The following RBFOX1 variants were observed in gnomAD, a reference collection of about 807,000 sequenced individuals.
The protein encoded by RBFOX1 is RNA binding fox-1 homolog 1.
A neutral mutation model predicts 57.7 loss-of-function variants in RBFOX1; 8 were observed. The observed-to-expected ratio is 0.14, with a 90% confidence interval of 0.08 to 0.25. The LOEUF (loss-of-function observed/expected upper bound fraction) is 0.25. RBFOX1 is among the 10% of genes least tolerant of loss of function. RBFOX1 has a pLI of 1.00. For missense variants in RBFOX1, 611 were observed against 548.5 expected, an observed-to-expected ratio of 1.11 and a Z score of -1.14; for synonymous variants, 326 against 222.4, an observed-to-expected ratio of 1.47 and a Z score of -4.15.
At chr16:6,538,448 C>G (rs762132613) in intron 2 of RBFOX1, among the ~76,000 whole-genome samples, 8 of 152,030 alleles carry the variant, frequency 5.3e-5, no homozygotes, top group Admixed American at 1.3e-4. Flanking sequence ...GTGGTGATTG[C>G]GCTACTGCAC....
At chr16:5,932,196 C>A (rs1486600075) in intron 4 of RBFOX1, among the ~76,000 whole-genome samples, 1 of 152,118 alleles carries the variant, frequency 6.6e-6, no homozygotes, top group African/African-American at 2.4e-5. Flanking sequence ...GAATTTTCTG[C>A]TGTTGGTCAA....
At chr16:6,321,436 A>G (rs2081777916) in intron 2 of RBFOX1, among the ~76,000 whole-genome samples, 1 of 152,126 alleles carries the variant, frequency 6.6e-6, no homozygotes, top group Non-Finnish European at 1.5e-5. Context: ...TCAAGCCCCA[A>G]AGTGTCCTCT....
At chr16:7,422,824 T>G (rs2098555230) in intron 4 of RBFOX1, 1 of 152,166 alleles carries the variant, frequency 6.6e-6, no homozygotes, top group Admixed American at 6.6e-5. Flanking sequence ...GATTATTAAT[T>G]TCCCATCCCC....
chr16:6,259,962 A>G (rs2097691974), intron 1 of RBFOX1, among the ~76,000 whole-genome samples: 1 of 151,724 alleles, frequency 6.6e-6, no homozygotes. Context: ...CTGTCTCAAA[A>G]AAAAAAAAAA....
chr16:7,321,066 T>A, intron 4 of RBFOX1, among the ~76,000 whole-genome samples: 1 of 103,914 alleles, frequency 9.6e-6, no homozygotes. Flanking sequence ...TATCTATCTG[T>A]CTATCTATAC....
intron 2 of RBFOX1, among the ~76,000 whole-genome samples, chr16:5,474,406 C>T (rs1203458043): frequency 1.3e-5 from 2 of 152,206 alleles, no homozygotes; most frequent in Admixed American, 6.5e-5. Context: ...GTGATCCCAG[C>T]ACTTTGGGAG....
At position 6,595,419 on chromosome 16, in the gene RBFOX1, C is replaced by T. The variant is rs373949035; in HGVS notation, c.-63-59184C>T. On this transcript the variant is annotated intron_variant, in intron 2 of 15. Coordinates refer to ENST00000550418, the MANE Select transcript of RBFOX1 (RefSeq NM_018723.4). The stretch of plus-strand genomic sequence containing the variant: ...CACGTTTTGTAGCCAAATAATATTA[C>T]GTTATATAAATATACGACGTTGTGT... Among the ~76,000 whole-genome samples, 7 of 152,256 alleles carry T rather than the reference C, an allele frequency of 4.6e-5. No individual in the cohort carries two copies. The East Asian group carries it at 5.8e-4, about 13-fold the overall frequency.
chr16:7,709,211 C>T (rs895641113), intron 15 of RBFOX1, 80 bp downstream of exon 15: 31 of 1,299,112 alleles, frequency 2.4e-5, no homozygotes, highest in African/African-American at 1.0e-4. Context: ...TACGGGTTGA[C>T]GTCCTCTCAC....
chr16:7,226,241 T>G (rs2093110487), intron 4 of RBFOX1, among the ~76,000 whole-genome samples: 1 of 152,214 alleles, frequency 6.6e-6, no homozygotes, highest in African/African-American at 2.4e-5. Flanking sequence ...ATGGATATTC[T>G]GATCAGGCAG....
At chr16:7,579,599 A>G (rs948331666) in intron 5 of RBFOX1, among the ~76,000 whole-genome samples, 178 bp from the exon 6 acceptor site, 2 of 152,176 alleles carry the variant, frequency 1.3e-5, no homozygotes, top group African/African-American at 2.4e-5. Context: ...ATGAGCACCC[A>G]GTGGACGCTC....
At chr16:5,952,643 T>C (rs1339477680) in intron 4 of RBFOX1, among the ~76,000 whole-genome samples, 1 of 152,182 alleles carries the variant, frequency 6.6e-6, no homozygotes, top group East Asian at 1.9e-4. Flanking sequence ...TCTGTATCGA[T>C]AGTGATGGGT....
chr16:7,293,232 C>T (rs894266414), intron 4 of RBFOX1, among the ~76,000 whole-genome samples: 2 of 152,132 alleles, frequency 1.3e-5, no homozygotes, highest in Non-Finnish European at 2.9e-5. Context: ...ATTCCCTAAA[C>T]AATGCATTGA....
At chr16:6,748,279 C>G (rs562460188) in intron 3 of RBFOX1, among the ~76,000 whole-genome samples, 1 of 151,978 alleles carries the variant, frequency 6.6e-6, no homozygotes, top group Non-Finnish European at 1.5e-5. Context: ...CTCTCTCTCT[C>G]TCTACACACA....
intron 1 of RBFOX1, among the ~76,000 whole-genome samples, chr16:5,262,644 C>G (rs528512831): frequency 6.6e-6 from 1 of 152,180 alleles, no homozygotes; most frequent in Non-Finnish European, 1.5e-5. Flanking sequence ...CTACCTCTAT[C>G]TCTCTGCTCT....
chr16:7,584,707 G>A (rs925076828), intron 6 of RBFOX1, among the ~76,000 whole-genome samples: 17 of 152,204 alleles, frequency 1.1e-4, no homozygotes, highest in African/African-American at 3.9e-4. Context: ...CGAATGAGTC[G>A]TGTCTATTTA....
chr16:5,745,448 G>T (rs899329679), intron 3 of RBFOX1, among the ~76,000 whole-genome samples: 4 of 152,164 alleles, frequency 2.6e-5, no homozygotes, highest in African/African-American at 9.7e-5. Flanking sequence ...AATCCTTTCA[G>T]TATATACCCA....
intron 1 of RBFOX1, among the ~76,000 whole-genome samples, chr16:6,223,494 G>A: frequency 6.6e-6 from 1 of 152,126 alleles, no homozygotes; most frequent in Middle Eastern, 3.2e-3. Context: ...CTGCATAAAT[G>A]TCTTCTTTTG....
At chr16:5,525,491 A>AT (rs71404528) in intron 2 of RBFOX1, among the ~76,000 whole-genome samples, 2,604 of 78,210 alleles carry the variant, frequency 0.033, 281 homozygotes, top group African/African-American at 0.12. Context: ...AGCCGACACT[A>AT]TTTTTTTTTT....
chr16:7,520,600 C>G (rs562450838), intron 5 of RBFOX1, among the ~76,000 whole-genome samples: 1 of 152,166 alleles, frequency 6.6e-6, no homozygotes, highest in Non-Finnish European at 1.5e-5. Flanking sequence ...TTTGGGTTGT[C>G]TCCACATTCT....
Sources: allele counts gnomAD v4.1 joint callset (sites outside exome capture counted in the v4.1 genomes callset), GRCh38; gene constraint gnomAD v4.1.1; transcripts MANE v1.5; gene names NCBI Gene and HGNC (gene_info 2026-07-23, HGNC 2026-07-21).